ASTN2: variants seen among roughly 807,000 people sequenced by gnomAD.
The protein encoded by ASTN2 is astrotactin 2.
ASTN2 carries 54 observed loss-of-function variants against 139.8 expected under a neutral mutation model. The observed-to-expected ratio is 0.39, with a 90% CI of 0.31 to 0.48. The LOEUF (loss-of-function observed/expected upper bound fraction) is 0.48. Among genes scored for constraint, ASTN2 ranks in the 20% least tolerant of loss-of-function variants. The pLI, the probability that ASTN2 is intolerant of heterozygous loss-of-function variation, is 0.95. For missense variants in ASTN2, 1,565 were observed against 1,725.1 expected, an observed-to-expected ratio of 0.91 and a Z score of 1.64; for synonymous variants, 756 against 719.5, an observed-to-expected ratio of 1.05 and a Z score of -0.81.
chr9:116,876,782 T>C lies in ASTN2; in HGVS notation c.1890-13049A>G, dbSNP rs147030470. ...TTCTTAATTAAGGTATGTACATTAT[T>C]TTTTAAACATGATGCAATTGTACAC... On this transcript the variant is annotated intron_variant, in intron 10 of 22. Coordinates refer to ENST00000313400, the MANE Select transcript of ASTN2 (RefSeq NM_001365068.1). Among the ~76,000 whole-genome samples, 208 of 152,356 alleles carry C rather than the reference T, an allele frequency of 1.4e-3. 1 individual carries two copies. The highest frequency in any genetic ancestry group is 4.9e-3 in the African/African-American group (202 of 41,594).
At chr9:117,114,332 G>A (rs977855402) in intron 4 of ASTN2, among the ~76,000 whole-genome samples, 1 of 152,086 alleles carries the variant, frequency 6.6e-6, no homozygotes, top group East Asian at 1.9e-4. Context: ...TAATCCCAGA[G>A]GGATGAGTAT....
At chr9:116,726,093 A>G in intron 15 of ASTN2, 143 bp from the exon 16 acceptor site, 1 of 668,432 alleles carries the variant, frequency 1.5e-6, no homozygotes. Context: ...GCACTAGTCC[A>G]AACATATACA....
rs553866129 is a variant in ASTN2 at position 117,303,045 on chromosome 9, C to T, written c.443-11532G>A. Among the ~76,000 whole-genome samples the T allele has an allele frequency of 1.6e-3, 236 of 152,172 alleles. 1 individual carries two copies. The highest frequency in any genetic ancestry group is 5.5e-3 in the African/African-American group (228 of 41,532). On this transcript the variant is annotated intron_variant, in intron 1 of 22. Transcript: ENST00000313400. ...TCATTCAAAACCCAGCTGAAGTGAC[C>T]CTCTAAGAGCCCAGTTCAAAATGCC... is the stretch of plus-strand genomic sequence containing the variant.
intron 4 of ASTN2, among the ~76,000 whole-genome samples, chr9:117,119,727 A>T (rs1159637498): frequency 6.6e-6 from 1 of 152,042 alleles, no homozygotes; most frequent in Non-Finnish European, 1.5e-5. Context: ...TCACCTCACC[A>T]GCCTTCCTCT....
At chr9:116,742,236 C>A (rs1312025057) in intron 13 of ASTN2, among the ~76,000 whole-genome samples, 1 of 152,180 alleles carries the variant, frequency 6.6e-6, no homozygotes, top group Non-Finnish European at 1.5e-5. Flanking sequence ...GTGCTGAGGG[C>A]GAAGTTCCCT....
At chr9:116,616,669 TGAAGC>T (rs1416712207) in intron 19 of ASTN2, among the ~76,000 whole-genome samples, 1 of 152,296 alleles carries the variant, frequency 6.6e-6, no homozygotes, top group Admixed American at 6.5e-5. Context: ...GATAGAGATG[TGAAGC>T]GTTATTGTTA....
intron 13 of ASTN2, among the ~76,000 whole-genome samples, chr9:116,782,953 T>C (rs953088940): frequency 1.3e-5 from 2 of 152,152 alleles, no homozygotes; most frequent in African/African-American, 2.4e-5. Flanking sequence ...TTTCTTTTGT[T>C]AGTGTATGAG....
chr9:116,731,444 CAG>C (rs1284999913), intron 14 of ASTN2, among the ~76,000 whole-genome samples: 1 of 151,796 alleles, frequency 6.6e-6, no homozygotes, highest in Non-Finnish European at 1.5e-5. Context: ...GTTTTTGAGA[CAG>C]AGTTTCACTC....
At chr9:117,196,327 G>A (rs1205664588) in intron 3 of ASTN2, among the ~76,000 whole-genome samples, 1 of 152,154 alleles carries the variant, frequency 6.6e-6, no homozygotes, top group Admixed American at 6.6e-5. Context: ...AGCAGCAGCA[G>A]CAACAGTATC....
chr9:117,191,101 C>G (rs1036089628), intron 3 of ASTN2, among the ~76,000 whole-genome samples: 4 of 151,652 alleles, frequency 2.6e-5, no homozygotes, highest in African/African-American at 9.7e-5. Context: ...GTATCAAGAA[C>G]TTTAAAACAT....
At chr9:116,992,764 A>G (rs78530066) in intron 7 of ASTN2, among the ~76,000 whole-genome samples, 11,173 of 152,266 alleles carry the variant, frequency 0.073, 447 homozygotes, top group East Asian at 0.15. Flanking sequence ...ATGTCAAAGC[A>G]TGAAATCAGT....
Position 116,609,379 on chromosome 9 carries a change from G to GTATATATATA in ASTN2, c.3355+8935_3355+8944dup, listed in dbSNP as rs56938236. On this transcript the variant is annotated intron_variant, in intron 19 of 22. Coordinates refer to ENST00000313400, the MANE Select transcript of ASTN2 (RefSeq NM_001365068.1). ...ATATACATGAATTATATATATGGGT[G>GTATATATATA]TATATATATATATATATATATATAT... 2.8e-3 allele frequency among the ~76,000 whole-genome samples: 327 copies of GTATATATATA among 116,694 alleles called. 3 individuals carry two copies. The highest frequency in any genetic ancestry group is 5.8e-3 in the African/African-American group (180 of 30,852). 76.6% of individuals were successfully genotyped at this position (116,694 alleles called of 152,430 possible).
intron 1 of ASTN2, among the ~76,000 whole-genome samples, chr9:117,354,560 A>T (rs1354818556): frequency 6.6e-6 from 1 of 152,202 alleles, no homozygotes; most frequent in Non-Finnish European, 1.5e-5. Context: ...AGTAAGTATC[A>T]CAGCTCATAT....
intron 1 of ASTN2, among the ~76,000 whole-genome samples, chr9:117,400,884 T>G (rs1191241073): frequency 2.0e-5 from 3 of 152,122 alleles, no homozygotes; most frequent in Non-Finnish European, 4.4e-5. Context: ...CTAGTTCTAG[T>G]CCTCTCCACC....
intron 20 of ASTN2, among the ~76,000 whole-genome samples, chr9:116,477,933 G>A (rs1459372515): frequency 1.3e-5 from 2 of 150,836 alleles, no homozygotes; most frequent in Non-Finnish European, 3.0e-5. Context: ...ACACGGAGAG[G>A]GAAGTAGTGT....
intron 10 of ASTN2, among the ~76,000 whole-genome samples, chr9:116,924,386 C>A (rs1306343540): frequency 1.4e-5 from 2 of 143,524 alleles, no homozygotes; most frequent in African/African-American, 5.2e-5. Flanking sequence ...GTAGAGATTG[C>A]ACCACTGAAC....
intron 7 of ASTN2, among the ~76,000 whole-genome samples, chr9:117,003,096 T>C (rs1588472196): frequency 6.6e-6 from 1 of 152,196 alleles, no homozygotes; most frequent in East Asian, 1.9e-4. Flanking sequence ...TGCACATGGG[T>C]AGTGTACCTA....
intron 19 of ASTN2, among the ~76,000 whole-genome samples, chr9:116,538,139 C>G (rs1334822793): frequency 6.6e-6 from 1 of 151,752 alleles, no homozygotes; most frequent in African/African-American, 2.4e-5. Flanking sequence ...TGAATAAGAG[C>G]TATGGTCCCC....
At chr9:116,593,093 C>G (rs1211891737) in intron 19 of ASTN2, among the ~76,000 whole-genome samples, 1 of 152,176 alleles carries the variant, frequency 6.6e-6, no homozygotes, top group African/African-American at 2.4e-5. Context: ...GGAGGCAGCT[C>G]TTGAGTGAAG....
Sources: gnomAD v4.1 joint callset for allele counts (sites outside exome capture counted in the v4.1 genomes callset) on GRCh38, gnomAD v4.1.1 for gene constraint, MANE v1.5 for transcripts, NCBI Gene and HGNC (gene_info 2026-07-23, HGNC 2026-07-21) for gene names.